FAM169A: variants seen among roughly 807,000 people sequenced by gnomAD.
The protein encoded by FAM169A is soluble lamin-associated protein of 75 kDa.
A neutral mutation model predicts 75.7 loss-of-function variants in FAM169A; 24 were observed. The observed-to-expected ratio is 0.32, with a 90% confidence interval of 0.23 to 0.45. The LOEUF is 0.45. Among genes scored for constraint, FAM169A ranks in the 20% least tolerant of loss-of-function variants. The pLI, the probability that FAM169A is intolerant of heterozygous loss-of-function variation, is 1.00. For missense variants in FAM169A, 673 were observed against 784.0 expected (o/e 0.86, Z 1.69); for synonymous variants, 271 against 271.0 (o/e 1.00, Z 0.00).
At chr5:74,799,167 T>C (rs1368930956) in intron 10 of FAM169A, 2 of 1,095,016 alleles carry the variant, frequency 1.8e-6, no homozygotes, top group African/African-American at 3.1e-5. Context: ...TCACAGATAT[T>C]GACTGGGCTC....
intron 4 of FAM169A, among the ~76,000 whole-genome samples, 160 bp from the exon 5 acceptor site, chr5:74,834,757 G>A (rs567795850): frequency 1.3e-5 from 2 of 152,090 alleles, no homozygotes; most frequent in South Asian, 4.2e-4. Flanking sequence ...ACAGAGATGA[G>A]ACTAATCATT....
intron 5 of FAM169A, among the ~76,000 whole-genome samples, chr5:74,828,501 C>T (rs16872299): frequency 0.33 from 49,412 of 152,002 alleles, 9,866 homozygotes; most frequent in African/African-American, 0.56. Context: ...CTGAAAGTCT[C>T]CATGTGCCCC....
rs1463696974 is a variant in FAM169A at position 74,796,196 on chromosome 5, A to G, written c.1104-10T>C. 1 of 1,594,366 alleles carries G rather than the reference A, an allele frequency of 6.3e-7. No homozygotes were observed. The highest frequency in any genetic ancestry group is 1.2e-5 in the South Asian group (1 of 86,158). ...TGCAGTAGACTCCAATCTAAAAAAC[A>G]AAAGAAAACCATTCTGACTTGTTTT... On this transcript the variant is annotated splice_polypyrimidine_tract_variant and intron_variant, in intron 10 of 12. Transcript: ENST00000687041.
Position 74,781,316 on chromosome 5 carries a change from A to G in FAM169A, c.*144T>C. On this transcript the variant is annotated 3_prime_UTR_variant, in exon 13 of 13. Transcript: ENST00000687041. ...TGGTGAATTCTACGTTCTAAAGGGA[A>G]GCAAAAAACTGCATAGTAAGTAAGT... 1.5e-6 allele frequency: 1 copy of G among 681,590 alleles called. No homozygotes were observed. Among genetic ancestry groups the G allele is most frequent in the South Asian group, 2.1e-5 (1 of 46,634 alleles). The allele number at this position is 681,590 out of a possible 1,614,324, so 42.2% of individuals were successfully genotyped here. A position where few individuals can be genotyped will look rare whatever the true frequency, so the allele number is the denominator to read the frequency against.
chr5:74,844,574 CT>C (rs552990257), intron 1 of FAM169A, among the ~76,000 whole-genome samples: 172 of 152,352 alleles, frequency 1.1e-3, no homozygotes, highest in African/African-American at 3.9e-3. Flanking sequence ...AATCCCGACA[CT>C]CTGGGAGGCT....
intron 1 of FAM169A, among the ~76,000 whole-genome samples, chr5:74,850,101 G>A (rs145984168): frequency 2.6e-5 from 4 of 152,288 alleles, no homozygotes; most frequent in Non-Finnish European, 5.9e-5. Context: ...AACACTTCAC[G>A]TGTATCACCT....
chr5:74,796,236 T>C, intron 10 of FAM169A, 50 bp from the exon 11 acceptor site: 1 of 1,518,252 alleles, frequency 6.6e-7, no homozygotes, highest in Non-Finnish European at 8.9e-7. Context: ...AGGATAAATA[T>C]AAAATCTCAG....
In FAM169A at chr5:74,800,463, C is replaced by T. The variant is rs79624140; in HGVS notation, c.1103+417G>A. Among the ~76,000 whole-genome samples the T allele has an allele frequency of 1.6e-4, 25 of 152,158 alleles. No individual in the cohort carries two copies. The East Asian group carries it at 4.2e-3, about 26-fold the overall frequency. ...CTTAAAACCATACCATCAAATTCAG[C>T]GTGGTGATAATGACTAATTTGGGAT... On this transcript the variant is annotated intron_variant, in intron 10 of 12. Coordinates refer to ENST00000687041, the MANE Select transcript of FAM169A (RefSeq NM_001376049.1).
intron 1 of FAM169A, among the ~76,000 whole-genome samples, chr5:74,858,816 A>G (rs1749886278): frequency 6.6e-6 from 1 of 152,224 alleles, no homozygotes. Flanking sequence ...TCATGAGTAT[A>G]AATAATACAG....
Position 74,781,376 on chromosome 5 carries a change from C to A in FAM169A, c.*84G>T. The A allele has an allele frequency of 7.4e-7, 1 of 1,349,002 alleles. No individual in the cohort carries two copies. 83.6% of individuals were successfully genotyped at this position (1,349,002 alleles called of 1,614,324 possible). ...AATTTTGGAAATTTTTGTCCTGTGC[C>A]CCATGCTGTTTATTAATTACCATAT... On this transcript the variant is annotated 3_prime_UTR_variant, in exon 13 of 13. Coordinates refer to ENST00000687041, the MANE Select transcript of FAM169A (RefSeq NM_001376049.1).
intron 11 of FAM169A, among the ~76,000 whole-genome samples, chr5:74,791,655 G>A (rs1028518588): frequency 6.6e-6 from 1 of 152,148 alleles, no homozygotes; most frequent in Non-Finnish European, 1.5e-5. Flanking sequence ...AGATCCCTTG[G>A]GGTGTCTCTT....
At chr5:74,790,214 T>C (rs1481375810) in intron 11 of FAM169A, among the ~76,000 whole-genome samples, 2 of 152,160 alleles carry the variant, frequency 1.3e-5, no homozygotes, top group East Asian at 3.9e-4. Flanking sequence ...AAGAGAAGAC[T>C]AGGGACTGGT....
At chr5:74,838,222 A>G (rs976037112) in intron 4 of FAM169A, among the ~76,000 whole-genome samples, 3 of 152,122 alleles carry the variant, frequency 2.0e-5, no homozygotes, top group Non-Finnish European at 4.4e-5. Context: ...GCTTCTCCAA[A>G]AAGTCAGTAT....
At chr5:74,850,067 G>C (rs1305639797) in intron 1 of FAM169A, among the ~76,000 whole-genome samples, 3 of 152,150 alleles carry the variant, frequency 2.0e-5, no homozygotes, top group Non-Finnish European at 2.9e-5. Context: ...TCCGATAGTG[G>C]ACTATGTGCC....
intron 5 of FAM169A, among the ~76,000 whole-genome samples, chr5:74,831,336 G>C (rs545612962): frequency 6.6e-6 from 1 of 152,116 alleles, no homozygotes; most frequent in Middle Eastern, 3.2e-3. Flanking sequence ...ACTAAATAGC[G>C]AAGTTTCTAA....
intron 1 of FAM169A, among the ~76,000 whole-genome samples, chr5:74,859,287 CTT>C (rs1020109342): frequency 3.2e-4 from 41 of 129,054 alleles, no homozygotes; most frequent in African/African-American, 7.1e-4. Flanking sequence ...AAGGTTTTCT[CTT>C]TTTTTTTTTT....
chr5:74,802,755 T>C (rs1385659598), intron 8 of FAM169A, among the ~76,000 whole-genome samples: 1 of 152,106 alleles, frequency 6.6e-6, no homozygotes, highest in Admixed American at 6.6e-5. Context: ...CTCCACAATA[T>C]AGTGGGCACA....
intron 6 of FAM169A, among the ~76,000 whole-genome samples, chr5:74,813,514 T>C (rs1289609580): frequency 2.6e-5 from 4 of 151,982 alleles, no homozygotes; most frequent in Non-Finnish European, 5.9e-5. Flanking sequence ...TTAGTAAAGA[T>C]AGAGTTTCAT....
Position 74,849,539 on chromosome 5 carries a change from C to T in FAM169A, c.-3-7860G>A, listed in dbSNP as rs187601040. ...ATCTCAACCAATCCAATTCATGATC[C>T]TAACTCTCACAATGGTCTCTCCAAC... On this transcript the variant is annotated intron_variant, in intron 1 of 12. Transcript: ENST00000687041. Among the ~76,000 whole-genome samples, 10 of 152,218 alleles carry T rather than the reference C, an allele frequency of 6.6e-5. No individual in the cohort carries two copies. The East Asian group carries it at 1.9e-3, about 29-fold the overall frequency.
Sources: allele counts gnomAD v4.1 joint callset (sites outside exome capture counted in the v4.1 genomes callset), GRCh38; gene constraint gnomAD v4.1.1; transcripts MANE v1.5; gene names NCBI Gene and HGNC (gene_info 2026-07-23, HGNC 2026-07-21).